Variants in PLCH1 observed in about 807,000 individuals in gnomAD.
The protein encoded by PLCH1 is phospholipase C eta 1.
PLCH1 carries 60 observed loss-of-function variants against 126.7 expected under a neutral mutation model. The observed-to-expected ratio is 0.47, with a 90% CI of 0.38 to 0.59. PLCH1 has a LOEUF of 0.59. Ranked by LOEUF, PLCH1 falls within the 20% of genes least tolerant of loss-of-function variation. The probability of loss-of-function intolerance (pLI) is 0.00; values close to 1 mark genes in which losing one functional copy is unlikely to be tolerated. For synonymous variants in PLCH1, 719 were observed against 734.9 expected (o/e 0.98, Z 0.35); for missense variants, 1,723 against 2,040.0 (o/e 0.84, Z 2.99).
At chr3:155,497,275 A>T (rs775249599) in intron 15 of PLCH1, 45 bp downstream of exon 15, 1 of 1,280,788 alleles carries the variant, frequency 7.8e-7, no homozygotes, top group Non-Finnish European at 1.1e-6. Context: ...AAGAAAGGTC[A>T]AGAATGTTTA....
chr3:155,586,193 A>C lies in PLCH1; in HGVS notation c.472T>G (p.Trp158Gly). The change falls in exon 5 of 23, where the codon TGG (tryptophan) becomes GGG (glycine). Residue 158 changes from tryptophan (W) to glycine (G), a missense_variant and splice_region_variant. Coordinates refer to ENST00000460012, the MANE Select transcript of PLCH1 (RefSeq NM_014996.4). Reference protein sequence around the residue: ...LAKRQRTHDQWVKQTFEEADK... With the variant: ...LAKRQRTHDQGVKQTFEEADK... ...GCTTCCTCAAAGGTCTGCTTCACCCATGTGCAGAAAGGTCAAAGAAAACAC... is the reference window on the plus strand; with the variant it reads ...GCTTCCTCAAAGGTCTGCTTCACCCCTGTGCAGAAAGGTCAAAGAAAACAC... 1 of 1,614,094 alleles carries C rather than the reference A, an allele frequency of 6.2e-7. No homozygotes were observed. The highest frequency in any genetic ancestry group is 8.5e-7 in the Non-Finnish European group (1 of 1,179,970).
intron 2 of PLCH1, among the ~76,000 whole-genome samples, chr3:155,659,190 G>A (rs892209889): frequency 2.6e-5 from 4 of 151,330 alleles, no homozygotes; most frequent in African/African-American, 4.9e-5. Context: ...TTCCTAGTTC[G>A]TCAGGACAAG....
chr3:155,489,090 G>C (rs1009607269), intron 19 of PLCH1, among the ~76,000 whole-genome samples: 3 of 152,160 alleles, frequency 2.0e-5, no homozygotes, highest in Non-Finnish European at 4.4e-5. Context: ...TATTCAGAAT[G>C]CTTCAATAAG....
intron 21 of PLCH1, among the ~76,000 whole-genome samples, chr3:155,467,618 C>T (rs1712981261): frequency 6.6e-6 from 1 of 151,008 alleles, no homozygotes. Flanking sequence ...AAATAAATAA[C>T]ATACAATAGA....
chr3:155,547,811 AT>A (rs1232465919), intron 10 of PLCH1, among the ~76,000 whole-genome samples: 1 of 146,094 alleles, frequency 6.8e-6, no homozygotes, highest in Admixed American at 7.1e-5. Context: ...AACACCGCAT[AT>A]TCTCACTCAT....
At chr3:155,626,880 C>T (rs1057340133) in intron 2 of PLCH1, among the ~76,000 whole-genome samples, 3 of 144,216 alleles carry the variant, frequency 2.1e-5, no homozygotes, top group African/African-American at 7.6e-5. Flanking sequence ...AACATATCTA[C>T]AAGAATATCT....
At chr3:155,528,156 G>A (rs1386622755) in intron 10 of PLCH1, among the ~76,000 whole-genome samples, 9 of 151,594 alleles carry the variant, frequency 5.9e-5, no homozygotes, top group South Asian at 2.1e-4. Flanking sequence ...CCCAGGAGGC[G>A]GAGGTTGCAG....
At chr3:155,552,167 A>G (rs968060443) in intron 9 of PLCH1, among the ~76,000 whole-genome samples, 2 of 152,244 alleles carry the variant, frequency 1.3e-5, no homozygotes, top group African/African-American at 4.8e-5. Flanking sequence ...AAAGGCTACT[A>G]ACTTCTAAAA....
At chr3:155,680,625 G>A (rs1744436617) in intron 2 of PLCH1, among the ~76,000 whole-genome samples, 1 of 152,088 alleles carries the variant, frequency 6.6e-6, no homozygotes, top group Non-Finnish European at 1.5e-5. Flanking sequence ...AGCATAAACT[G>A]TAACAAACTT....
intron 2 of PLCH1, among the ~76,000 whole-genome samples, chr3:155,631,363 T>C (rs1294371734): frequency 6.6e-6 from 1 of 152,112 alleles, no homozygotes; most frequent in Non-Finnish European, 1.5e-5. Flanking sequence ...ATATGATGCA[T>C]GCACTTGAAG....
chr3:155,696,114 G>A (rs1275768400), intron 2 of PLCH1, among the ~76,000 whole-genome samples: 4 of 152,172 alleles, frequency 2.6e-5, no homozygotes, highest in Admixed American at 1.3e-4. Flanking sequence ...AACTGAAGCC[G>A]TGGGAGTAGG....
At chr3:155,692,930 A>G (rs146074361) in intron 2 of PLCH1, among the ~76,000 whole-genome samples, 1 of 151,994 alleles carries the variant, frequency 6.6e-6, no homozygotes, top group Non-Finnish European at 1.5e-5. Context: ...CTACAGGCGC[A>G]CGCTGCCACG....
intron 7 of PLCH1, among the ~76,000 whole-genome samples, chr3:155,565,850 T>A (rs570450899): frequency 1.3e-5 from 2 of 151,498 alleles, no homozygotes; most frequent in South Asian, 4.2e-4. Context: ...CATGCGCCAC[T>A]GCGTGTAGCT....
intron 2 of PLCH1, among the ~76,000 whole-genome samples, chr3:155,655,654 T>C (rs1419184767): frequency 6.6e-6 from 1 of 152,024 alleles, no homozygotes; most frequent in African/African-American, 2.4e-5. Context: ...TCCATGTACA[T>C]ATAAGTGATA....
Position 155,482,084 on chromosome 3 carries a change from T to C in PLCH1, c.3942A>G (p.Gly1314=). 6.2e-7 allele frequency: 1 copy of C among 1,614,146 alleles called. No individual in the cohort carries two copies. Among genetic ancestry groups the C allele is most frequent in the Non-Finnish European group, 8.5e-7 (1 of 1,180,016 alleles). ...AGCTCTTCAGTGTTTCCCAGTCTTCTCCCTTGGTAGGACTTTTTGGTAACC... is the reference window on the plus strand; with the variant it reads ...AGCTCTTCAGTGTTTCCCAGTCTTCCCCCTTGGTAGGACTTTTTGGTAACC... ...RGWLPKSPTK[G]EDWETLKSCS... The change falls in exon 23 of 23, where the codon GGA becomes GGG. Residue 1314 remains glycine, a synonymous_variant. Transcript: ENST00000460012.
intron 2 of PLCH1, among the ~76,000 whole-genome samples, chr3:155,613,597 C>T (rs1187273630): frequency 1.3e-5 from 2 of 152,072 alleles, no homozygotes; most frequent in Non-Finnish European, 2.9e-5. Flanking sequence ...TGACAAAATC[C>T]AGCATCCTTT....
chr3:155,557,537 A>G (rs1271377858), intron 8 of PLCH1, among the ~76,000 whole-genome samples: 1 of 152,204 alleles, frequency 6.6e-6, no homozygotes, highest in African/African-American at 2.4e-5. Context: ...ATCTAATTCC[A>G]TCACTTGTCT....
chr3:155,545,474 T>G (rs1196362812), intron 10 of PLCH1, among the ~76,000 whole-genome samples: 1 of 148,460 alleles, frequency 6.7e-6, no homozygotes, highest in Non-Finnish European at 1.5e-5. Flanking sequence ...GAGGAACTGG[T>G]ACCATTCCTT....
intron 2 of PLCH1, among the ~76,000 whole-genome samples, chr3:155,600,985 T>G (rs1036366162): frequency 2.0e-5 from 3 of 151,464 alleles, no homozygotes; most frequent in Non-Finnish European, 4.4e-5. Context: ...CTACAAGGTC[T>G]TTTTTTTTAG....
Sources: allele counts gnomAD v4.1 joint callset (sites outside exome capture counted in the v4.1 genomes callset), GRCh38; gene constraint gnomAD v4.1.1; transcripts MANE v1.5; gene names NCBI Gene and HGNC (gene_info 2026-07-23, HGNC 2026-07-21).